Variants in NAV3 observed in about 807,000 individuals in gnomAD.
NAV3 encodes neuron navigator 3.
NAV3 carries 87 observed loss-of-function variants against 244.7 expected under a neutral mutation model. That is an observed-to-expected ratio of 0.36 (90% CI 0.30 to 0.42). NAV3 has a LOEUF of 0.42. NAV3 is among the 20% of genes least tolerant of loss of function. The pLI, the probability that NAV3 is intolerant of heterozygous loss-of-function variation, is 1.00. For synonymous variants in NAV3, 1,126 were observed against 1,042.2 expected (o/e 1.08, Z -1.55); for missense variants, 2,663 against 2,893.3 (o/e 0.92, Z 1.83).
chr12:77,858,909 C>T (rs1459025061), intron 1 of NAV3, among the ~76,000 whole-genome samples: 3 of 152,074 alleles, frequency 2.0e-5, no homozygotes, highest in African/African-American at 7.2e-5. Context: ...TTAAATAATT[C>T]TGCTATGATT....
intron 5 of NAV3, among the ~76,000 whole-genome samples, chr12:77,972,395 T>A (rs900664836): frequency 9.2e-5 from 14 of 152,352 alleles, no homozygotes; most frequent in Admixed American, 5.9e-4. Flanking sequence ...AACCAAGTAA[T>A]CAATTCTTTA....
intron 13 of NAV3, 65 bp downstream of exon 13, chr12:78,116,969 T>G (rs944412453): frequency 1.3e-6 from 2 of 1,579,908 alleles, no homozygotes; most frequent in Non-Finnish European, 1.7e-6. Flanking sequence ...TTACTTAATA[T>G]TAGATTAAGG....
chr12:77,786,852 T>C (rs891652386), intron 2 of NAV3, among the ~76,000 whole-genome samples: 1 of 152,134 alleles, frequency 6.6e-6, no homozygotes, highest in Non-Finnish European at 1.5e-5. Context: ...CAACAGGATG[T>C]CCTGACCTTT....
Position 78,119,845 on chromosome 12 carries a change from TC to T in NAV3, c.3654del (p.Lys1219AsnfsTer51), listed in dbSNP as rs755615596. The T allele has an allele frequency of 2.5e-6, 4 of 1,613,982 alleles. No individual in the cohort carries two copies. In the Admixed American group the frequency reaches 6.7e-5, roughly 27 times the overall value. Reference sequence around the variant, plus strand: ...TTCAGAAAGTGTTTCTTTGTCAGGTTCCCCCAAATCCAGCCCCACCTCTGCC... The same window carrying T: ...TTCAGAAAGTGTTTCTTTGTCAGGTTCCCCAAATCCAGCCCCACCTCTGCC... The part of the protein sequence containing the change: ...SDSESVSLSG[S>X]PKSSPTSASA... On this transcript the variant is annotated frameshift_variant, in exon 15 of 40. Transcript: ENST00000397909. LOFTEE classifies it high-confidence loss of function.
At chr12:77,903,866 T>A (rs146305451) in intron 1 of NAV3, among the ~76,000 whole-genome samples, 1 of 152,202 alleles carries the variant, frequency 6.6e-6, no homozygotes, top group East Asian at 1.9e-4. Context: ...AAAGAAGACA[T>A]TTATGCAGCC....
At chr12:78,028,161 C>T (rs1030188085) in intron 9 of NAV3, among the ~76,000 whole-genome samples, 3 of 151,980 alleles carry the variant, frequency 2.0e-5, no homozygotes, top group South Asian at 2.1e-4. Flanking sequence ...AAAAACACTG[C>T]ATAAAGCTGA....
intron 2 of NAV3, 40 bp downstream of exon 2, chr12:77,940,476 C>T (rs1449332765): frequency 6.7e-7 from 1 of 1,499,086 alleles, no homozygotes; most frequent in Non-Finnish European, 9.2e-7. Context: ...AAAGTCTCTG[C>T]TCCCATCTCT....
At chr12:77,708,423 G>A (rs1875940570) in intron 2 of NAV3, among the ~76,000 whole-genome samples, 2 of 152,156 alleles carry the variant, frequency 1.3e-5, no homozygotes, top group African/African-American at 2.4e-5. Context: ...CTATATCTCT[G>A]TTTTTGTACC....
At chr12:77,998,017 T>A (rs929817551) in intron 6 of NAV3, among the ~76,000 whole-genome samples, 19 of 152,268 alleles carry the variant, frequency 1.2e-4, no homozygotes, top group African/African-American at 4.6e-4. Flanking sequence ...CCTTTACTTT[T>A]CACATAATTG....
At chr12:77,991,526 G>A (rs1279269035) in intron 5 of NAV3, among the ~76,000 whole-genome samples, 3 of 152,162 alleles carry the variant, frequency 2.0e-5, no homozygotes, top group Non-Finnish European at 2.9e-5. Flanking sequence ...GTGTCTAGAA[G>A]GTGATAAAAT....
chr12:77,634,351 T>G (rs1345808876), intron 2 of NAV3, among the ~76,000 whole-genome samples: 2 of 152,206 alleles, frequency 1.3e-5, no homozygotes, highest in African/African-American at 4.8e-5. Context: ...TCATCTTAAT[T>G]TTTCTGCAAT....
chr12:77,611,941 C>T (rs1013177281), intron 2 of NAV3, among the ~76,000 whole-genome samples: 6 of 151,772 alleles, frequency 4.0e-5, no homozygotes, highest in African/African-American at 1.5e-4. Flanking sequence ...TTTGTTGTCC[C>T]GTATAATGTT....
At chr12:78,059,176 A>G (rs1489708928) in intron 12 of NAV3, 61 bp downstream of exon 12, 3 of 1,533,200 alleles carry the variant, frequency 2.0e-6, no homozygotes, top group East Asian at 4.8e-5. Context: ...AAATAAGAAA[A>G]TAACAGAAAA....
At chr12:77,826,598 A>G (rs1044849714), upstream of NAV3, among the ~76,000 whole-genome samples, 2 of 152,354 alleles carry the variant, frequency 1.3e-5, no homozygotes, top group East Asian at 3.9e-4. Context: ...AATGGAATGC[A>G]TTTGAGCCAT....
intron 2 of NAV3, among the ~76,000 whole-genome samples, chr12:77,780,378 A>T (rs1240587245): frequency 6.6e-6 from 1 of 152,182 alleles, no homozygotes; most frequent in East Asian, 1.9e-4. Flanking sequence ...TCAACTTCCC[A>T]TTATTTTGAC....
At chr12:77,613,138 C>G (rs568988436) in intron 2 of NAV3, among the ~76,000 whole-genome samples, 22 of 152,270 alleles carry the variant, frequency 1.4e-4, no homozygotes, top group African/African-American at 4.3e-4. Context: ...CAAAAATAGT[C>G]TGCCTTAGCA....
intron 2 of NAV3, among the ~76,000 whole-genome samples, chr12:77,783,017 C>G (rs771895687): frequency 5.9e-5 from 9 of 151,650 alleles, no homozygotes; most frequent in Non-Finnish European, 8.8e-5. Context: ...AATTGTTTTT[C>G]TCATTATGTT....
At chr12:77,647,610 A>G (rs1487813746) in intron 2 of NAV3, among the ~76,000 whole-genome samples, 1 of 152,080 alleles carries the variant, frequency 6.6e-6, no homozygotes, top group African/African-American at 2.4e-5. Flanking sequence ...AAATCAAGTC[A>G]CTGTTTAGTG....
intron 21 of NAV3, among the ~76,000 whole-genome samples, chr12:78,148,414 C>T (rs1025263463): frequency 2.0e-5 from 3 of 151,650 alleles, no homozygotes; most frequent in Non-Finnish European, 4.4e-5. Context: ...AAAAAAAAAC[C>T]TAAGATTTTC....
Sources: allele counts gnomAD v4.1 joint callset (sites outside exome capture counted in the v4.1 genomes callset), GRCh38; gene constraint gnomAD v4.1.1; transcripts MANE v1.5; gene names NCBI Gene and HGNC (gene_info 2026-07-23, HGNC 2026-07-21).